The following NRP1 variants were observed in gnomAD, a reference collection of about 807,000 sequenced individuals.
NRP1 encodes neuropilin 1.
NRP1 carries 35 observed loss-of-function variants against 106.7 expected under a neutral mutation model. That is an observed-to-expected ratio of 0.33 (90% CI 0.25 to 0.43). The LOEUF is 0.43. Among genes scored for constraint, NRP1 ranks in the 20% least tolerant of loss-of-function variants. The pLI is 1.00. For synonymous variants in NRP1, 437 were observed against 417.9 expected (o/e 1.05, Z -0.56); for missense variants, 1,024 against 1,170.4 (o/e 0.87, Z 1.83).
At chr10:33,234,438 A>G (rs2133023514) in intron 6 of NRP1, among the ~76,000 whole-genome samples, 1 of 152,342 alleles carries the variant, frequency 6.6e-6, no homozygotes, top group Admixed American at 6.5e-5. Flanking sequence ...AATAATAATT[A>G]AATCCAATAG....
chr10:33,317,490 A>G (rs1304500047), intron 2 of NRP1, among the ~76,000 whole-genome samples: 2 of 152,216 alleles, frequency 1.3e-5, no homozygotes, highest in African/African-American at 4.8e-5. Context: ...GCCTTTCGCT[A>G]TGGATTTATG....
chr10:33,300,518 G>C (rs1323122152), intron 2 of NRP1, among the ~76,000 whole-genome samples: 1 of 152,164 alleles, frequency 6.6e-6, no homozygotes, highest in Non-Finnish European at 1.5e-5. Context: ...AGTGGTTCCT[G>C]AGTGTGTGCA....
At chr10:33,195,536 C>T (rs548486472) in intron 12 of NRP1, 5 of 533,418 alleles carry the variant, frequency 9.4e-6, no homozygotes, top group South Asian at 5.6e-5. Flanking sequence ...TTTGAGGTCT[C>T]ATTGACTGCT....
intron 6 of NRP1, among the ~76,000 whole-genome samples, chr10:33,232,334 T>C (rs1228362540): frequency 6.6e-6 from 1 of 152,234 alleles, no homozygotes; most frequent in Admixed American, 6.5e-5. Flanking sequence ...ATCACCATTT[T>C]CTTATTTTGA....
chr10:33,207,393 G>A (rs1030981246), intron 10 of NRP1, among the ~76,000 whole-genome samples, 179 bp downstream of exon 10: 1 of 151,990 alleles, frequency 6.6e-6, no homozygotes, highest in Non-Finnish European at 1.5e-5. Context: ...GTAGGACTGT[G>A]AAGGTGCTGC....
At chr10:33,314,196 T>C (rs1846842845) in intron 2 of NRP1, among the ~76,000 whole-genome samples, 1 of 151,946 alleles carries the variant, frequency 6.6e-6, no homozygotes, top group South Asian at 2.1e-4. Flanking sequence ...CCGTGATCCT[T>C]CCTCCACAGC....
At chr10:33,323,133 G>A (rs964479313) in intron 2 of NRP1, among the ~76,000 whole-genome samples, 3 of 152,256 alleles carry the variant, frequency 2.0e-5, no homozygotes, top group East Asian at 3.9e-4. Context: ...ACTTTGGGAA[G>A]CTGAGACAGA....
chr10:33,237,045 A>G (rs1840614026), intron 6 of NRP1, among the ~76,000 whole-genome samples: 3 of 151,980 alleles, frequency 2.0e-5, no homozygotes, highest in South Asian at 2.1e-4. Context: ...AGCAACTGAT[A>G]AACTATGGAG....
intron 3 of NRP1, among the ~76,000 whole-genome samples, chr10:33,265,615 G>A (rs1310067313): frequency 6.6e-6 from 1 of 152,140 alleles, no homozygotes; most frequent in Non-Finnish European, 1.5e-5. Context: ...TGCACATATC[G>A]GCTATCCATG....
At chr10:33,218,053 C>T (rs4244999) in intron 8 of NRP1, among the ~76,000 whole-genome samples, 42,799 of 151,974 alleles carry the variant, frequency 0.28, 6,466 homozygotes, top group East Asian at 0.62. Context: ...GAGATCATCA[C>T]TGTGAATTCT....
chr10:33,201,541 AG>A, intron 11 of NRP1: 1 of 152,326 alleles, frequency 6.6e-6, no homozygotes, highest in East Asian at 1.9e-4. Flanking sequence ...TTCATGGAAT[AG>A]TACTCTGTTT....
chr10:33,313,163 C>T (rs989512535), intron 2 of NRP1, among the ~76,000 whole-genome samples: 3 of 152,178 alleles, frequency 2.0e-5, no homozygotes, highest in African/African-American at 7.2e-5. Flanking sequence ...TAGGCAATTC[C>T]TTAGAATAAA....
intron 13 of NRP1, among the ~76,000 whole-genome samples, chr10:33,190,976 A>T (rs1836369295): frequency 6.6e-6 from 1 of 152,062 alleles, no homozygotes; most frequent in Admixed American, 6.6e-5. Flanking sequence ...ACAGACTCTG[A>T]GTAGCTGGGA....
chr10:33,229,498 T>G (rs1485530967), intron 6 of NRP1, among the ~76,000 whole-genome samples: 1 of 152,216 alleles, frequency 6.6e-6, no homozygotes, highest in Non-Finnish European at 1.5e-5. Context: ...AATAAACTCT[T>G]CCTGTCAAAC....
chr10:33,276,757 A>G (rs950805383), intron 2 of NRP1, among the ~76,000 whole-genome samples: 4 of 152,156 alleles, frequency 2.6e-5, no homozygotes, highest in Non-Finnish European at 5.9e-5. Flanking sequence ...TTGCTAGACA[A>G]TCATCTCATC....
At chr10:33,249,060 T>C (rs1388686220) in intron 6 of NRP1, among the ~76,000 whole-genome samples, 5 of 145,634 alleles carry the variant, frequency 3.4e-5, no homozygotes, top group Non-Finnish European at 4.5e-5. Context: ...AAAGTTCATA[T>C]CCCACCCAGG....
intron 2 of NRP1, among the ~76,000 whole-genome samples, chr10:33,320,034 C>T (rs1257532416): frequency 1.4e-5 from 2 of 144,166 alleles, no homozygotes; most frequent in East Asian, 2.4e-4. Flanking sequence ...GCTCCGGGGC[C>T]GGGCGTGGTG....
chr10:33,300,706 G>C (rs1346889977), intron 2 of NRP1, among the ~76,000 whole-genome samples: 1 of 152,172 alleles, frequency 6.6e-6, no homozygotes, highest in African/African-American at 2.4e-5. Context: ...CTTTGGAGAG[G>C]CTAGTCAGAA....
At chr10:33,201,900 G>A (rs569614834) in intron 11 of NRP1, 1 of 152,212 alleles carries the variant, frequency 6.6e-6, no homozygotes, top group South Asian at 2.1e-4. Context: ...AATTGGAAAT[G>A]TACTCTAGGA....
Sources: gnomAD v4.1 joint callset for allele counts (sites outside exome capture counted in the v4.1 genomes callset) on GRCh38, gnomAD v4.1.1 for gene constraint, MANE v1.5 for transcripts, NCBI Gene and HGNC (gene_info 2026-07-23, HGNC 2026-07-21) for gene names.